Variants in SYTL5 observed in about 807,000 individuals in gnomAD.
SYTL5 encodes synaptotagmin-like protein 5.
SYTL5 carries 34 observed loss-of-function variants against 55.9 expected under a neutral mutation model. The observed-to-expected ratio is 0.61, with a 90% CI of 0.46 to 0.81. The LOEUF is 0.81. Among genes scored for constraint, SYTL5 ranks in the 30% least tolerant of loss-of-function variants. SYTL5 has a pLI of 0.00. For synonymous variants in SYTL5, 221 were observed against 188.7 expected, an observed-to-expected ratio of 1.17 and a Z score of -1.40; for missense variants, 637 against 546.7, an observed-to-expected ratio of 1.17 and a Z score of -1.65.
At chrX:37,990,198 G>C in the SYTL5 span, among the ~76,000 whole-genome samples, 1 of 110,869 alleles carries the variant, frequency 9.0e-6, no homozygotes, top group African/African-American at 3.3e-5. Context: ...ATTGAAAAAT[G>C]ACTAAAATAT....
chrX:38,036,309 A>T (rs373599104), intron 2 of SYTL5, among the ~76,000 whole-genome samples: 5 of 110,810 alleles, frequency 4.5e-5, no homozygotes, highest in Admixed American at 2.9e-4. Flanking sequence ...CCATCTCAAA[A>T]AATAATAATA....
At chrX:37,939,469 G>T in the SYTL5 span, 2 of 111,455 alleles carry the variant, frequency 1.8e-5, no homozygotes, top group Non-Finnish European at 3.8e-5. Context: ...ACCTGTATAG[G>T]GCAGCGGCAG....
intron 8 of SYTL5, 121 bp downstream of exon 8, chrX:38,094,545 A>G: frequency 1.2e-6 from 1 of 814,453 alleles, no homozygotes; most frequent in South Asian, 3.6e-5. Context: ...CCCTTCTTTG[A>G]CCTATGGTGG....
chrX:37,980,967 C>T, the SYTL5 span, among the ~76,000 whole-genome samples: 1 of 112,376 alleles, frequency 8.9e-6, no homozygotes, highest in African/African-American at 3.2e-5. Context: ...AAGTGTTCAG[C>T]TCCTATGACA....
chrX:38,024,864 T>G (rs17320608), intron 1 of SYTL5, among the ~76,000 whole-genome samples: 11,568 of 111,131 alleles, frequency 0.1, 1,013 homozygotes, highest in African/African-American at 0.25. Context: ...AAAAAAAATC[T>G]TGACTATGGC....
intron 3 of SYTL5, among the ~76,000 whole-genome samples, chrX:38,061,462 A>G (rs929044434): frequency 8.9e-6 from 1 of 111,881 alleles, no homozygotes; most frequent in African/African-American, 3.3e-5. Flanking sequence ...CTGTCTCTAT[A>G]TTTAATAGAC....
intron 6 of SYTL5, among the ~76,000 whole-genome samples, chrX:38,088,095 G>A (rs1281436012): frequency 1.8e-5 from 2 of 111,447 alleles, no homozygotes; most frequent in East Asian, 5.6e-4. Flanking sequence ...GAAGGTGGTG[G>A]TAGCTGGTAA....
intron 5 of SYTL5, among the ~76,000 whole-genome samples, chrX:38,074,029 A>T (rs761041499): frequency 2.7e-5 from 3 of 111,857 alleles, no homozygotes; most frequent in African/African-American, 9.7e-5. Context: ...TTTCTGTTGT[A>T]CAATGTCAAT....
chrX:37,917,107 T>TCCCA, the SYTL5 span, among the ~76,000 whole-genome samples: 1 of 111,342 alleles, frequency 9.0e-6, no homozygotes, highest in Non-Finnish European at 1.9e-5. Flanking sequence ...GCCATTCTCA[T>TCCCA]AACATCATAT....
Position 38,089,532 on chromosome X carries a change from G to A in SYTL5, c.776G>A (p.Gly259Asp). 2 of 1,210,720 alleles carry A rather than the reference G, an allele frequency of 1.7e-6. No individual in the cohort carries two copies. The highest frequency in any genetic ancestry group is 1.1e-6 in the Non-Finnish European group (1 of 895,101). ...KSSRSNGVTP[G>D]TQSSPAPSTR... ...AGTCGGAGCAATGGTGTGACCCCAGGCACTCAGAGTTCACCAGCCCCAAGC... is the reference window on the plus strand; with the variant it reads ...AGTCGGAGCAATGGTGTGACCCCAGACACTCAGAGTTCACCAGCCCCAAGC... The change falls in exon 7 of 17, where the codon GGC becomes GAC. Residue 259 changes from glycine (G) to aspartate (D), a missense_variant. Physicochemically the swap from Gly to Asp is moderately conservative, Grantham distance 94 (BLOSUM62 -1). Coordinates refer to ENST00000297875, the MANE Select transcript of SYTL5 (RefSeq NM_138780.3).
chrX:38,094,813 CAT>C (rs1196904453), intron 8 of SYTL5, among the ~76,000 whole-genome samples: 39 of 111,741 alleles, frequency 3.5e-4, no homozygotes, highest in African/African-American at 1.2e-3. Flanking sequence ...AAGTTCCCTA[CAT>C]ATAGACAAAA....
intron 2 of SYTL5, among the ~76,000 whole-genome samples, chrX:38,042,468 AT>A (rs1169834189): frequency 1.8e-5 from 2 of 111,700 alleles, no homozygotes; most frequent in African/African-American, 6.5e-5. Context: ...AACTTTGTTT[AT>A]TTTTTAAAAA....
intron 6 of SYTL5, among the ~76,000 whole-genome samples, chrX:38,088,984 C>A (rs1283083844): frequency 1.8e-5 from 2 of 112,287 alleles, no homozygotes; most frequent in Non-Finnish European, 3.8e-5. Flanking sequence ...CAGAGGTTGA[C>A]AAGGCTTATG....
chrX:38,094,317 T>C lies in SYTL5; in HGVS notation c.854T>C (p.Met285Thr), dbSNP rs971077331. The C allele has an allele frequency of 8.3e-7, 1 of 1,202,054 alleles. No homozygotes were observed. Among genetic ancestry groups the C allele is most frequent in the East Asian group, 3.0e-5 (1 of 33,675 alleles). ...AAGGAGTATGGTTTTGAAAATTCCA[T>C]GGATTTGGCTGCTATTGAAGGTACC... ...ISREYGFENS[M>T]DLAAIEGTSQ... is the part of the protein sequence containing the mutation. The change falls in exon 8 of 17, where the codon ATG (methionine) becomes ACG (threonine). Residue 285 changes from methionine (M) to threonine (T), a missense_variant. Coordinates refer to ENST00000297875, the MANE Select transcript of SYTL5 (RefSeq NM_138780.3).
intron 2 of SYTL5, among the ~76,000 whole-genome samples, chrX:38,044,988 C>T (rs963385977): frequency 9.0e-5 from 10 of 111,669 alleles, no homozygotes; most frequent in Non-Finnish European, 3.8e-5. Context: ...AGAGTTGTAA[C>T]GAGCTGTTTT....
chrX:37,890,026 T>G, the SYTL5 span, among the ~76,000 whole-genome samples: 1 of 111,799 alleles, frequency 8.9e-6, no homozygotes, highest in African/African-American at 3.3e-5. Flanking sequence ...ATAGAGCCAG[T>G]GCCCTTATAC....
At chrX:37,936,830 T>C in the SYTL5 span, among the ~76,000 whole-genome samples, 2 of 109,111 alleles carry the variant, frequency 1.8e-5, no homozygotes, top group African/African-American at 6.7e-5. Context: ...TCACCTGAGG[T>C]TGGGAGTTCG....
the SYTL5 span, among the ~76,000 whole-genome samples, chrX:37,893,612 C>T: frequency 3.0e-5 from 2 of 66,706 alleles, no homozygotes; most frequent in African/African-American, 2.6e-4. Context: ...ATTATATATA[C>T]AATCTATATA....
chrX:38,087,629 T>C (rs1396826540), intron 6 of SYTL5, among the ~76,000 whole-genome samples: 5 of 111,933 alleles, frequency 4.5e-5, no homozygotes, highest in Admixed American at 9.5e-5. Flanking sequence ...TAGTAACCAC[T>C]CTTTAGTAAC....
Sources: allele counts gnomAD v4.1 joint callset (sites outside exome capture counted in the v4.1 genomes callset), GRCh38; gene constraint gnomAD v4.1.1; transcripts MANE v1.5; gene names NCBI Gene and HGNC (gene_info 2026-07-23, HGNC 2026-07-21).